Variants in INVS observed in about 807,000 individuals in gnomAD.
INVS encodes the protein inversion of embryo turning homolog.
INVS carries 86 observed loss-of-function variants against 108.8 expected under a neutral mutation model. The observed-to-expected ratio is 0.79, with a 90% confidence interval of 0.66 to 0.95. INVS has a LOEUF of 0.95. INVS is among the 40% of genes least tolerant of loss of function. INVS has a pLI of 0.00. For missense variants in INVS, 1,169 were observed against 1,297.4 expected, an observed-to-expected ratio of 0.90 and a Z score of 1.52; for synonymous variants, 455 against 473.5, an observed-to-expected ratio of 0.96 and a Z score of 0.51.
chr9:100,129,760 A>T, intron 3 of INVS: 1 of 668,374 alleles, frequency 1.5e-6, no homozygotes, highest in Non-Finnish European at 2.8e-6. Context: ...TACCACATTC[A>T]TCCTGGCCTT....
At chr9:100,166,740 A>G (rs1413439250) in intron 3 of INVS, among the ~76,000 whole-genome samples, 2 of 152,150 alleles carry the variant, frequency 1.3e-5, no homozygotes, top group Admixed American at 6.5e-5. Flanking sequence ...ACTTTTCTCA[A>G]CATTCCCTTT....
chr9:100,247,591 TA>T (rs966293598), intron 8 of INVS, among the ~76,000 whole-genome samples: 7 of 152,144 alleles, frequency 4.6e-5, no homozygotes, highest in African/African-American at 1.7e-4. Context: ...CATCTACTGT[TA>T]TCCTGAATAA....
At chr9:100,100,590 A>ATATAT (rs1826803571) in intron 1 of INVS, among the ~76,000 whole-genome samples, 1 of 77,604 alleles carries the variant, frequency 1.3e-5, no homozygotes, top group African/African-American at 4.8e-5. Flanking sequence ...AATATATATA[A>ATATAT]TATATGTACA....
At chr9:100,155,417 TC>T (rs1172540810) in intron 3 of INVS, among the ~76,000 whole-genome samples, 10 of 152,084 alleles carry the variant, frequency 6.6e-5, no homozygotes, top group African/African-American at 2.4e-4. Flanking sequence ...GCTCACTGCA[TC>T]CTCCACCTCC....
In INVS at chr9:100,292,252, T is replaced by G. The variant is rs1833640856; in HGVS notation, c.2069-74T>G. Reference sequence around the variant, plus strand: ...TGATGATATAGGCTAAGTCTGAATATTTTATGTGAACATATTAGGAAAATT... The same window carrying G: ...TGATGATATAGGCTAAGTCTGAATAGTTTATGTGAACATATTAGGAAAATT... On this transcript the variant is annotated intron_variant, in intron 13 of 16. Transcript: ENST00000262457. 7 of 1,318,590 alleles carry G rather than the reference T, an allele frequency of 5.3e-6. No homozygotes were observed. The East Asian group carries it at 1.6e-4, about 30-fold the overall frequency. The allele number at this position is 1,318,590 out of a possible 1,614,324, so 81.7% of individuals were successfully genotyped here. A position where few individuals can be genotyped will look rare whatever the true frequency, so the allele number is the denominator to read the frequency against.
chr9:100,161,388 A>AAAAAACAAAAAAAAAAC (rs1564138793), intron 3 of INVS, among the ~76,000 whole-genome samples: 1 of 139,046 alleles, frequency 7.2e-6, no homozygotes, highest in Non-Finnish European at 1.5e-5. Context: ...AAAAAAAAAA[A>AAAAAACAAAAAAAAAAC]AAAACCTCAT....
chr9:100,283,037 G>A (rs968899429), intron 12 of INVS, among the ~76,000 whole-genome samples: 1 of 152,194 alleles, frequency 6.6e-6, no homozygotes, highest in Non-Finnish European at 1.5e-5. Context: ...AGCCGGGCGC[G>A]GTGGCTCACG....
chr9:100,273,506 G>A (rs1833016643), intron 12 of INVS, among the ~76,000 whole-genome samples: 1 of 140,814 alleles, frequency 7.1e-6, no homozygotes, highest in South Asian at 2.4e-4. Flanking sequence ...CAAACAACTT[G>A]GTTTTTTTTT....
chr9:100,298,079 C>T, intron 16 of INVS, 69 bp downstream of exon 16: 1 of 1,611,290 alleles, frequency 6.2e-7, no homozygotes, highest in East Asian at 2.2e-5. Context: ...GTTTCATCCC[C>T]AAAGACAGAA....
At position 100,100,613 on chromosome 9, in the gene INVS, A is replaced by AATATATGTATATAATATATATATT; in HGVS notation, c.-25+1210_-25+1211insATATATATATTATATATGTATATA. On this transcript the variant is annotated intron_variant, in intron 1 of 16. Transcript: ENST00000262457. Reference sequence around the variant, plus strand: ...TAATATATGTACATATAATATATATAATATATGTATATATAATATATATAT... The same window carrying AATATATGTATATAATATATATATT: ...TAATATATGTACATATAATATATATAATATATGTATATAATATATATATTATATATGTATATATAATATATATAT... 2.8e-5 allele frequency among the ~76,000 whole-genome samples: 2 copies of AATATATGTATATAATATATATATT among 72,448 alleles called. 1 individual carries two copies. The highest frequency in any genetic ancestry group is 1.2e-4 in the African/African-American group (2 of 17,224). The allele number at this position is 72,448 out of a possible 152,430, so 47.5% of individuals were successfully genotyped here.
intron 12 of INVS, 109 bp downstream of exon 12, chr9:100,273,185 A>G (rs1833008360): frequency 3.7e-6 from 3 of 816,522 alleles, no homozygotes; most frequent in Non-Finnish European, 6.3e-6. Context: ...GAGAATCTGA[A>G]TTACTGTTGG....
chr9:100,118,753 CAG>C (rs953304564), intron 2 of INVS, among the ~76,000 whole-genome samples: 2 of 151,916 alleles, frequency 1.3e-5, no homozygotes, highest in Admixed American at 1.3e-4. Context: ...CTCTGCCTCC[CAG>C]GTTCAAGCGA....
At chr9:100,271,523 A>C (rs545423816) in intron 11 of INVS, among the ~76,000 whole-genome samples, 1 of 152,366 alleles carries the variant, frequency 6.6e-6, no homozygotes, top group South Asian at 2.1e-4. Flanking sequence ...TGAAACGGCT[A>C]TGTCAAATGG....
intron 3 of INVS, chr9:100,129,654 A>T: frequency 1.5e-6 from 1 of 688,570 alleles, no homozygotes. Context: ...ACTGAATAAA[A>T]TACTATATAC....
chr9:100,152,467 T>G (rs1828837569), intron 3 of INVS, among the ~76,000 whole-genome samples: 1 of 152,238 alleles, frequency 6.6e-6, no homozygotes, highest in African/African-American at 2.4e-5. Context: ...CTTCACTAAT[T>G]TAAAAAGTTG....
At chr9:100,201,582 C>G (rs1830532528) in intron 3 of INVS, among the ~76,000 whole-genome samples, 1 of 152,182 alleles carries the variant, frequency 6.6e-6, no homozygotes, top group South Asian at 2.1e-4. Flanking sequence ...TCCTTTCCAT[C>G]TGCAAAGATA....
chr9:100,204,152 A>T (rs765830815), intron 3 of INVS, among the ~76,000 whole-genome samples: 2 of 152,218 alleles, frequency 1.3e-5, no homozygotes, highest in African/African-American at 2.4e-5. Context: ...ATTAAAAACA[A>T]TGCCTTACAC....
intron 13 of INVS, among the ~76,000 whole-genome samples, chr9:100,286,375 G>A (rs537821813): frequency 1.3e-4 from 20 of 152,216 alleles, no homozygotes; most frequent in African/African-American, 4.3e-4. Flanking sequence ...CCAACTTGGC[G>A]AAACTCCATC....
At chr9:100,300,080 T>A (rs1833917513) in intron 16 of INVS, among the ~76,000 whole-genome samples, 1 of 152,244 alleles carries the variant, frequency 6.6e-6, no homozygotes, top group African/African-American at 2.4e-5. Flanking sequence ...GTTTTCTGAC[T>A]GTGGCATCCT....
Sources: gnomAD v4.1 joint callset for allele counts (sites outside exome capture counted in the v4.1 genomes callset) on GRCh38, gnomAD v4.1.1 for gene constraint, MANE v1.5 for transcripts, NCBI Gene and HGNC (gene_info 2026-07-23, HGNC 2026-07-21) for gene names.